The following RASSF2 variants were observed in gnomAD, a reference collection of about 807,000 sequenced individuals.
RASSF2 encodes the protein ras association domain-containing protein 2.
In RASSF2, 34 loss-of-function variants were observed where a neutral mutation model predicts 46.3. That is an observed-to-expected ratio of 0.73 (90% CI 0.56 to 0.98). The LOEUF is 0.98. RASSF2 is among the 50% of genes least tolerant of loss of function. RASSF2 has a pLI of 0.00. For missense variants in RASSF2, 364 were observed against 431.2 expected (o/e 0.84, Z 1.38); for synonymous variants, 158 against 162.5 (o/e 0.97, Z 0.21).
chr20:4,819,766 T>C lies in RASSF2; in HGVS notation c.-33+2563A>G, dbSNP rs77791705. ...AAGCACCGTGCTGATGAAGGAAATC[T>C]ACTTTGCCAAATCACTTTGGGTCGA... On this transcript the variant is annotated intron_variant, in intron 2 of 11. Transcript: ENST00000379400. Among the ~76,000 whole-genome samples, 891 of 152,340 alleles carry C rather than the reference T, an allele frequency of 5.8e-3. 3 individuals carry two copies. The highest frequency in any genetic ancestry group is 6.9e-3 in the Non-Finnish European group (470 of 68,028).
chr20:4,795,268 C>G lies in RASSF2; in HGVS notation c.287+547G>C, dbSNP rs1294500303. On this transcript the variant is annotated intron_variant, in intron 5 of 11. Coordinates refer to ENST00000379400, the MANE Select transcript of RASSF2 (RefSeq NM_014737.3). This position sits in a 1 kb window ranked among gnomAD's most constrained non-coding sequence, Gnocchi z 4.0. Reference sequence around the variant, plus strand: ...ACCACCATCTCACCAAACCCTGGCTCCCCGTATGGTCTGCAGGGAGCAGAC... The same window carrying G: ...ACCACCATCTCACCAAACCCTGGCTGCCCGTATGGTCTGCAGGGAGCAGAC... 2.0e-5 allele frequency: 3 copies of G among 152,396 alleles called. No homozygotes were observed. Among genetic ancestry groups the G allele is most frequent in the Non-Finnish European group, 4.4e-5 (3 of 68,150 alleles). The allele number at this position is 152,396 out of a possible 1,614,324, so 9.4% of individuals were successfully genotyped here.
intron 3 of RASSF2, among the ~76,000 whole-genome samples, chr20:4,799,938 C>T (rs950302236): frequency 8.5e-5 from 13 of 152,212 alleles, no homozygotes; most frequent in African/African-American, 2.9e-4. Context: ...ATGGTGAAAG[C>T]CCACCTCTAC....
intron 2 of RASSF2, among the ~76,000 whole-genome samples, chr20:4,804,281 A>T (rs1927150088): frequency 6.6e-6 from 1 of 151,596 alleles, no homozygotes; most frequent in African/African-American, 2.4e-5. Context: ...GAATAATCTG[A>T]TCATGAAAAC....
chr20:4,793,402 C>T (rs2122494327), intron 5 of RASSF2, among the ~76,000 whole-genome samples: 1 of 152,220 alleles, frequency 6.6e-6, no homozygotes, highest in Middle Eastern at 3.4e-3. Context: ...TCCCTGGGAC[C>T]CAGTAGAGAT....
At chr20:4,804,920 G>A (rs1927218925) in intron 2 of RASSF2, among the ~76,000 whole-genome samples, 1 of 152,020 alleles carries the variant, frequency 6.6e-6, no homozygotes, top group South Asian at 2.1e-4. Context: ...GTGGGGTCCT[G>A]GGGGGCTTTC....
At chr20:4,822,240 G>T (rs1415012914) in intron 2 of RASSF2, 89 bp downstream of exon 2, 1 of 152,242 alleles carries the variant, frequency 6.6e-6, no homozygotes, top group East Asian at 1.9e-4. Context: ...AAGATCAACT[G>T]TGGCAGGAAC....
rs188936775 is a variant in RASSF2 at position 4,780,831 on chromosome 20, T to G, written c.*3442A>C. 6.6e-6 allele frequency: 1 copy of G among 151,990 alleles called. No homozygotes were observed. The highest frequency in any genetic ancestry group is 2.4e-5 in the African/African-American group (1 of 41,342). 9.4% of individuals were successfully genotyped at this position (151,990 alleles called of 1,614,324 possible). On this transcript the variant is annotated 3_prime_UTR_variant, in exon 12 of 12. Coordinates refer to ENST00000379400, the MANE Select transcript of RASSF2 (RefSeq NM_014737.3). ...ACCACACAAAAAAATTAGCCGGGCG[T>G]GGTGGCGGGTCCCTGTAATTCCAGC... is the stretch of plus-strand genomic sequence containing the variant.
intron 2 of RASSF2, among the ~76,000 whole-genome samples, chr20:4,809,321 G>A (rs1214218004): frequency 2.0e-5 from 3 of 151,990 alleles, no homozygotes; most frequent in Admixed American, 1.3e-4. Flanking sequence ...GAGAACTTTC[G>A]GAGCCTACTT....
intron 11 of RASSF2, among the ~76,000 whole-genome samples, chr20:4,785,573 C>G (rs1281304783): frequency 6.6e-6 from 1 of 152,166 alleles, no homozygotes; most frequent in Non-Finnish European, 1.5e-5. Context: ...ATTTTTCAAT[C>G]CAAATGCAAT....
At chr20:4,811,735 A>G (rs1182727297) in intron 2 of RASSF2, among the ~76,000 whole-genome samples, 1 of 152,192 alleles carries the variant, frequency 6.6e-6, no homozygotes, top group African/African-American at 2.4e-5. Flanking sequence ...CCAGGGCACC[A>G]TGTCACAGAA....
At chr20:4,786,572 A>G (rs2255133) in intron 10 of RASSF2, among the ~76,000 whole-genome samples, 46,638 of 152,074 alleles carry the variant, frequency 0.31, 7,435 homozygotes, top group African/African-American at 0.38. Flanking sequence ...CATTCAATTC[A>G]TGATGAGGTG....
intron 2 of RASSF2, among the ~76,000 whole-genome samples, chr20:4,819,053 T>C (rs1336620682): frequency 9.2e-5 from 14 of 152,134 alleles, no homozygotes; most frequent in Admixed American, 9.2e-4. Flanking sequence ...ACCTCCGCCT[T>C]CCAGGTTCAA....
At chr20:4,792,753 C>A (rs1926009580) in intron 5 of RASSF2, 126 bp from the exon 6 acceptor site, 2 of 1,461,748 alleles carry the variant, frequency 1.4e-6, no homozygotes, top group South Asian at 2.9e-5. Flanking sequence ...TGGGTACTGG[C>A]ACACATCAGG....
intron 6 of RASSF2, 108 bp downstream of exon 6, chr20:4,792,431 A>G (rs1190178874): frequency 1.9e-6 from 3 of 1,546,870 alleles, no homozygotes; most frequent in Non-Finnish European, 2.6e-6. Flanking sequence ...TGTATCTTGA[A>G]CCATATACAT....
intron 2 of RASSF2, among the ~76,000 whole-genome samples, chr20:4,809,875 G>A (rs1470092257): frequency 6.6e-6 from 1 of 152,164 alleles, no homozygotes; most frequent in Non-Finnish European, 1.5e-5. Context: ...GTCCTACGTG[G>A]AGGTGGGCAG....
chr20:4,798,348 C>G (rs569106346), intron 3 of RASSF2, among the ~76,000 whole-genome samples: 55 of 152,294 alleles, frequency 3.6e-4, no homozygotes, highest in African/African-American at 1.1e-3. Flanking sequence ...GACACCAAGG[C>G]AGGCCTCGTC....
At chr20:4,807,330 G>GAAA (rs11483578) in intron 2 of RASSF2, among the ~76,000 whole-genome samples, 1 of 109,844 alleles carries the variant, frequency 9.1e-6, no homozygotes, top group Non-Finnish European at 2.0e-5. Flanking sequence ...CTTCTGTTCA[G>GAAA]AAAAAAAAAA....
chr20:4,823,105 C>T (rs575518695), intron 1 of RASSF2, among the ~76,000 whole-genome samples: 3 of 152,234 alleles, frequency 2.0e-5, no homozygotes, highest in Middle Eastern at 3.4e-3. Flanking sequence ...CCGCGCGCCC[C>T]GGGAGCCCCG....
At chr20:4,818,380 A>G (rs1197089403) in intron 2 of RASSF2, among the ~76,000 whole-genome samples, 1 of 152,150 alleles carries the variant, frequency 6.6e-6, no homozygotes, top group South Asian at 2.1e-4. Flanking sequence ...CATGACTTGG[A>G]TGCCTAATAC....
Sources: gnomAD v4.1 joint callset for allele counts (sites outside exome capture counted in the v4.1 genomes callset) on GRCh38, gnomAD v4.1.1 for gene constraint, Gnocchi (gnomAD v3.1) non-coding constraint, MANE v1.5 for transcripts, NCBI Gene and HGNC (gene_info 2026-07-23, HGNC 2026-07-21) for gene names.